CFAP96: variants seen among roughly 807,000 people sequenced by gnomAD.
CFAP96 encodes the protein cilia and flagella associated protein 96.
chr4:185,432,281 C>T, the CFAP96 span: 1 of 1,068,816 alleles, frequency 9.4e-7, no homozygotes, highest in African/African-American at 1.6e-5. Flanking sequence ...TTCTGTAGGA[C>T]TTACTTATGT....
chr4:185,431,324 A>G, the CFAP96 span, among the ~76,000 whole-genome samples: 2 of 152,194 alleles, frequency 1.3e-5, no homozygotes, highest in Non-Finnish European at 2.9e-5. Context: ...CTCCTCAAAT[A>G]GAGCTCTCCT....
chr4:185,428,207 A>T, the CFAP96 span, among the ~76,000 whole-genome samples: 1 of 152,148 alleles, frequency 6.6e-6, no homozygotes, highest in Non-Finnish European at 1.5e-5. Flanking sequence ...TAAAAACTTT[A>T]GAATGGGATA....
At chr4:185,425,339 G>A in the CFAP96 span, among the ~76,000 whole-genome samples, 93 of 152,152 alleles carry the variant, frequency 6.1e-4, no homozygotes, top group African/African-American at 2.2e-3. Context: ...CCAAGTGGAG[G>A]CACGGTTAGC....
At chr4:185,427,150 G>A in the CFAP96 span, among the ~76,000 whole-genome samples, 3 of 152,140 alleles carry the variant, frequency 2.0e-5, no homozygotes, top group Non-Finnish European at 4.4e-5. Context: ...TCCCTGGCTC[G>A]CTTGTGTGCC....
At chr4:185,438,037 T>C in the CFAP96 span, among the ~76,000 whole-genome samples, 6 of 152,080 alleles carry the variant, frequency 3.9e-5, no homozygotes, top group African/African-American at 1.2e-4. Context: ...TTTAAGCAGT[T>C]TGATTATGAT....
At chr4:185,421,201 CTG>C in the CFAP96 span, among the ~76,000 whole-genome samples, 1 of 152,166 alleles carries the variant, frequency 6.6e-6, no homozygotes, top group Non-Finnish European at 1.5e-5. Context: ...TGGACCAAAA[CTG>C]AGAACAATTT....
chr4:185,414,904 C>T, the CFAP96 span, among the ~76,000 whole-genome samples: 12 of 152,090 alleles, frequency 7.9e-5, no homozygotes, highest in Non-Finnish European at 1.5e-4. Context: ...TAAAATTTCA[C>T]AGAATATATG....
chr4:185,436,754 G>A, the CFAP96 span, among the ~76,000 whole-genome samples: 1 of 103,984 alleles, frequency 9.6e-6, no homozygotes, highest in South Asian at 3.4e-4. Context: ...ATTCACTTGA[G>A]ATCTAATTTT....
chr4:185,438,591 A>G, the CFAP96 span, among the ~76,000 whole-genome samples: 81 of 152,292 alleles, frequency 5.3e-4, 1 homozygote, highest in South Asian at 0.016. Context: ...ATATTTTGCT[A>G]CTTTGAGTTA....
the CFAP96 span, chr4:185,429,410 C>T: frequency 1.3e-6 from 2 of 1,528,150 alleles, no homozygotes; most frequent in East Asian, 2.6e-5. Flanking sequence ...CCAGACGCCA[C>T]CATGCCTGCG....
chr4:185,408,444 A>G, the CFAP96 span: 3 of 1,611,368 alleles, frequency 1.9e-6, no homozygotes, highest in African/African-American at 2.7e-5. Flanking sequence ...ATCTATATAC[A>G]GAGAAGAAAC....
chr4:185,422,263 T>C, the CFAP96 span, among the ~76,000 whole-genome samples: 2 of 152,224 alleles, frequency 1.3e-5, no homozygotes, highest in East Asian at 1.9e-4. Context: ...TAAAGTCTCT[T>C]AAGAAAGGGA....
the CFAP96 span, chr4:185,426,035 C>A: frequency 1.4e-6 from 1 of 727,548 alleles, no homozygotes; most frequent in Non-Finnish European, 2.3e-6. Flanking sequence ...CACCGCAGTC[C>A]CTCGCGGACG....
the CFAP96 span, among the ~76,000 whole-genome samples, chr4:185,418,047 A>ACACACACACACACACAC: frequency 1.4e-5 from 2 of 142,954 alleles, no homozygotes; most frequent in African/African-American, 5.4e-5. Context: ...TCCATCTCAA[A>ACACACACACACACACAC]ACACACACAC....
the CFAP96 span, among the ~76,000 whole-genome samples, chr4:185,414,987 A>C: frequency 6.6e-6 from 1 of 152,214 alleles, no homozygotes; most frequent in South Asian, 2.1e-4. Flanking sequence ...AATACTACTT[A>C]AAGTTTCATG....
the CFAP96 span, chr4:185,422,528 T>G: frequency 3.7e-6 from 6 of 1,611,894 alleles, no homozygotes; most frequent in South Asian, 6.6e-5. Flanking sequence ...GGCCTCCTCT[T>G]ATTCTGAAGA....
At chr4:185,443,305 AAT>A in the CFAP96 span, among the ~76,000 whole-genome samples, 1 of 113,076 alleles carries the variant, frequency 8.8e-6, no homozygotes, top group Non-Finnish European at 1.9e-5. Context: ...GGTTTACAGA[AAT>A]ATTATTTTTT....
chr4:185,408,451 A>ACTT, the CFAP96 span: 1 of 1,608,226 alleles, frequency 6.2e-7, no homozygotes, highest in South Asian at 1.1e-5. Flanking sequence ...TACAGAGAAG[A>ACTT]AACACAGTAA....
chr4:185,440,010 G>GATAC, the CFAP96 span, among the ~76,000 whole-genome samples: 128,848 of 147,462 alleles, frequency 0.87, 56,494 homozygotes, highest in East Asian at 0.99. Flanking sequence ...ATGAGATATA[G>GATAC]ATAATCTCAT....
Sources: gnomAD v4.1 joint callset for allele counts (sites outside exome capture counted in the v4.1 genomes callset) on GRCh38, gnomAD v4.1.1 for gene constraint, MANE v1.5 for transcripts, NCBI Gene and HGNC (gene_info 2026-07-23, HGNC 2026-07-21) for gene names.